Variants in ANKHD1 observed in about 807,000 individuals in gnomAD.
ANKHD1 encodes the protein ankyrin repeat and KH domain containing 1.
In ANKHD1, 31 loss-of-function variants were observed where a neutral mutation model predicts 230.5. The observed-to-expected ratio is 0.13, with a 90% CI of 0.10 to 0.18. The LOEUF (loss-of-function observed/expected upper bound fraction) is 0.18. Ranked by LOEUF, ANKHD1 falls within the 10% of genes least tolerant of loss-of-function variation. The probability of loss-of-function intolerance (pLI) is 1.00; values close to 1 mark genes in which losing one functional copy is unlikely to be tolerated. For synonymous variants in ANKHD1, 1,074 were observed against 1,117.6 expected (o/e 0.96, Z 0.78); for missense variants, 2,256 against 3,071.3 (o/e 0.73, Z 6.27).
intron 13 of ANKHD1, 42 bp from the exon 14 acceptor site, chr5:140,486,916 T>C (rs768777540): frequency 3.1e-6 from 5 of 1,591,942 alleles, no homozygotes; most frequent in Non-Finnish European, 4.3e-6. Flanking sequence ...CTTTGTCTTA[T>C]TCTTTGGTCT....
Position 140,509,678 on chromosome 5 carries a change from T to C in ANKHD1, c.3807T>C (p.Tyr1269=). 6.2e-7 allele frequency: 1 copy of C among 1,609,714 alleles called. No individual in the cohort carries two copies. The highest frequency in any genetic ancestry group is 8.5e-7 in the Non-Finnish European group (1 of 1,178,432). The change falls in exon 21 of 34, where the codon TAT becomes TAC. Residue 1269 remains tyrosine, a synonymous_variant. Transcript: ENST00000360839. ...TPLMEAASGG[Y]AEVGRVLLDK... is the part of the protein sequence containing the mutation. Reference sequence around the variant, plus strand: ...TGATGGAAGCAGCTTCTGGAGGGTATGCAGAGGTTGGAAGAGTTCTTCTTG... The same window carrying C: ...TGATGGAAGCAGCTTCTGGAGGGTACGCAGAGGTTGGAAGAGTTCTTCTTG...
At chr5:140,450,335 G>C (rs1480146790) in intron 7 of ANKHD1, among the ~76,000 whole-genome samples, 1 of 141,318 alleles carries the variant, frequency 7.1e-6, no homozygotes, top group African/African-American at 2.7e-5. Flanking sequence ...TTGCTCTGTT[G>C]CCCAGGCTGG....
In ANKHD1 at chr5:140,418,812, C is replaced by T. The variant is rs573377240; in HGVS notation, c.306+16539C>T. 7.9e-5 allele frequency among the ~76,000 whole-genome samples: 12 copies of T among 152,302 alleles called. No individual in the cohort carries two copies. The South Asian group carries it at 2.5e-3, about 32-fold the overall frequency. ...GTGGGGCAGTCATATCTCATTGCAG[C>T]CTCCAGTTCTTGGGCTCAAGTGATT... is the stretch of plus-strand genomic sequence containing the variant. On this transcript the variant is annotated intron_variant, in intron 1 of 33. Coordinates refer to ENST00000360839, the MANE Select transcript of ANKHD1 (RefSeq NM_017747.3).
chr5:140,443,090 A>G (rs1045979922), intron 5 of ANKHD1, among the ~76,000 whole-genome samples: 4 of 151,764 alleles, frequency 2.6e-5, no homozygotes, highest in African/African-American at 9.7e-5. Flanking sequence ...TATTTTTAGT[A>G]GAGACGGGGT....
At chr5:140,467,268 C>G (rs1776161278) in intron 10 of ANKHD1, among the ~76,000 whole-genome samples, 1 of 151,378 alleles carries the variant, frequency 6.6e-6, no homozygotes, top group African/African-American at 2.4e-5. Flanking sequence ...TTTAATAACT[C>G]TATATGTATA....
At chr5:140,476,360 A>G (rs879153872) in intron 10 of ANKHD1, among the ~76,000 whole-genome samples, 3 of 152,160 alleles carry the variant, frequency 2.0e-5, no homozygotes, top group Admixed American at 6.5e-5. Flanking sequence ...GTGACTAGAC[A>G]TGAATCCTTG....
chr5:140,521,457 G>A (rs1274584260), intron 24 of ANKHD1, among the ~76,000 whole-genome samples: 4 of 151,532 alleles, frequency 2.6e-5, no homozygotes. Context: ...CAACATAGTT[G>A]GACCCTGTCT....
At chr5:140,421,258 T>C (rs1328982546) in intron 1 of ANKHD1, among the ~76,000 whole-genome samples, 1 of 151,842 alleles carries the variant, frequency 6.6e-6, no homozygotes, top group African/African-American at 2.4e-5. Context: ...AAATGGATAA[T>C]TGGAATAAAC....
chr5:140,486,649 T>C (rs1751514821), intron 13 of ANKHD1: 1 of 174,338 alleles, frequency 5.7e-6, no homozygotes, highest in Admixed American at 6.1e-5. Flanking sequence ...GTAAATTGGC[T>C]AGTGGATAGT....
At chr5:140,405,875 C>T (rs945008742) in intron 1 of ANKHD1, among the ~76,000 whole-genome samples, 3 of 151,946 alleles carry the variant, frequency 2.0e-5, no homozygotes, top group African/African-American at 7.2e-5. Context: ...TCAAGTGATT[C>T]TCCCACCTTG....
At chr5:140,403,826 A>G (rs964225983) in intron 1 of ANKHD1, among the ~76,000 whole-genome samples, 6 of 152,142 alleles carry the variant, frequency 3.9e-5, no homozygotes, top group Non-Finnish European at 5.9e-5. Context: ...AAAGTACAGG[A>G]ATTTCTCTGT....
At chr5:140,434,187 T>G (rs1215194617) in intron 1 of ANKHD1, among the ~76,000 whole-genome samples, 1 of 152,164 alleles carries the variant, frequency 6.6e-6, no homozygotes, top group African/African-American at 2.4e-5. Context: ...TGCCAAATAA[T>G]GTAGTCCAGA....
rs1751451254 is a variant in ANKHD1, at chr5:140,485,314, T to C, written c.1998+66T>C. 3 of 1,540,738 alleles carry C rather than the reference T, an allele frequency of 1.9e-6. No homozygotes were observed. The South Asian group carries it at 3.6e-5, about 18-fold the overall frequency. ...GCTCATGTCTATGATCCCAGCACTT[T>C]AGAAAGCTGAGGCGGGTGGATCACT... is the stretch of plus-strand genomic sequence containing the variant. On this transcript the variant is annotated intron_variant, in intron 12 of 33. Transcript: ENST00000360839. This position sits in a 1 kb window ranked among gnomAD's most constrained non-coding sequence, Gnocchi z 4.8.
At chr5:140,446,951 C>T (rs1266269141) in intron 6 of ANKHD1, among the ~76,000 whole-genome samples, 1 of 151,528 alleles carries the variant, frequency 6.6e-6, no homozygotes, top group African/African-American at 2.4e-5. Context: ...CTCTTGTTGC[C>T]CAGGCTGGAG....
At chr5:140,431,905 C>T (rs1773074821) in intron 1 of ANKHD1, among the ~76,000 whole-genome samples, 1 of 152,038 alleles carries the variant, frequency 6.6e-6, no homozygotes, top group Non-Finnish European at 1.5e-5. Flanking sequence ...TCTTATTTAC[C>T]TGATGCTATT....
intron 1 of ANKHD1, among the ~76,000 whole-genome samples, chr5:140,417,558 C>G (rs1771495772): frequency 6.6e-6 from 1 of 152,070 alleles, no homozygotes; most frequent in Non-Finnish European, 1.5e-5. Context: ...AAGCCATCCT[C>G]CCACCTCGGC....
At chr5:140,440,717 T>A (rs2126920829) in intron 4 of ANKHD1, among the ~76,000 whole-genome samples, 1 of 152,308 alleles carries the variant, frequency 6.6e-6, no homozygotes, top group South Asian at 2.1e-4. Flanking sequence ...CTAGATAACC[T>A]CAAGCATAAC....
At position 140,485,397 on chromosome 5, in the gene ANKHD1, A is replaced by AACACACACAC. The variant is rs55859898; in HGVS notation, c.1998+170_1999-162dup. 19,744 of 660,870 alleles carry AACACACACAC rather than the reference A, an allele frequency of 0.03. 378 individuals carry two copies. Among genetic ancestry groups the AACACACACAC allele is most frequent in the East Asian group, 0.051 (1,543 of 30,300 alleles). The allele number at this position is 660,870 out of a possible 1,614,324, so 40.9% of individuals were successfully genotyped here. A position where few individuals can be genotyped will look rare whatever the true frequency, so the allele number is the denominator to read the frequency against. On this transcript the variant is annotated intron_variant, in intron 12 of 33. Coordinates refer to ENST00000360839, the MANE Select transcript of ANKHD1 (RefSeq NM_017747.3). This position sits in a 1 kb window ranked among gnomAD's most constrained non-coding sequence, Gnocchi z 4.8. ...CATAAGGAGACCCCATCTCTATTAAAACACACACACACACACACACACACA... is the reference window on the plus strand; with the variant it reads ...CATAAGGAGACCCCATCTCTATTAAAACACACACACACACACACACACACACACACACACA...
chr5:140,422,233 C>G (rs930714894), intron 1 of ANKHD1, among the ~76,000 whole-genome samples: 1 of 152,086 alleles, frequency 6.6e-6, no homozygotes, highest in Non-Finnish European at 1.5e-5. Flanking sequence ...AGCAATTCTC[C>G]TACCGCACCC....
Sources: allele counts gnomAD v4.1 joint callset (sites outside exome capture counted in the v4.1 genomes callset), GRCh38; gene constraint gnomAD v4.1.1; non-coding constraint Gnocchi (gnomAD v3.1); transcripts MANE v1.5; gene names NCBI Gene and HGNC (gene_info 2026-07-23, HGNC 2026-07-21).